TRPC7: variants seen among roughly 807,000 people sequenced by gnomAD.
TRPC7 encodes the protein transient receptor potential cation channel subfamily C member 7.
In TRPC7, 42 loss-of-function variants were observed where a neutral mutation model predicts 90.1. The observed-to-expected ratio is 0.47, with a 90% CI of 0.36 to 0.60. The LOEUF (loss-of-function observed/expected upper bound fraction) is 0.60. Among genes scored for constraint, TRPC7 ranks in the 20% least tolerant of loss-of-function variants. TRPC7 has a pLI of 0.00. For missense variants in TRPC7, 955 were observed against 1,112.3 expected (o/e 0.86, Z 2.01); for synonymous variants, 451 against 436.3 (o/e 1.03, Z -0.42).
chr5:136,323,874 C>A (rs1445734168), intron 2 of TRPC7, among the ~76,000 whole-genome samples: 1 of 152,160 alleles, frequency 6.6e-6, no homozygotes, highest in Non-Finnish European at 1.5e-5. Context: ...TTCTGCTGAA[C>A]TGTGTTAAAT....
intron 7 of TRPC7, among the ~76,000 whole-genome samples, chr5:136,232,804 T>C (rs956342613): frequency 6.6e-6 from 1 of 152,206 alleles, no homozygotes; most frequent in Non-Finnish European, 1.5e-5. Flanking sequence ...AACATCTGAA[T>C]GGTTAAGTGC....
chr5:136,247,851 C>T lies in TRPC7; in HGVS notation c.1580-116G>A. On this transcript the variant is annotated intron_variant, in intron 6 of 11. Transcript: ENST00000513104. This position sits in a 1 kb window ranked among gnomAD's most constrained non-coding sequence, Gnocchi z 4.2. ...ATCATTTGCCATTCTTGTCCTTGTC[C>T]TTAAATTAATCCCAATATCCAGAAG... 1 of 1,325,360 alleles carries T rather than the reference C, an allele frequency of 7.5e-7. No homozygotes were observed. Among genetic ancestry groups the T allele is most frequent in the Non-Finnish European group, 1.0e-6 (1 of 975,414 alleles). 82.1% of individuals were successfully genotyped at this position (1,325,360 alleles called of 1,614,324 possible).
intron 2 of TRPC7, among the ~76,000 whole-genome samples, chr5:136,342,269 C>T (rs1759868859): frequency 6.6e-6 from 1 of 152,230 alleles, no homozygotes; most frequent in African/African-American, 2.4e-5. Flanking sequence ...TCACATGCCT[C>T]CCTCTGTTCA....
chr5:136,327,545 C>A (rs1255014253), intron 2 of TRPC7, among the ~76,000 whole-genome samples: 1 of 152,084 alleles, frequency 6.6e-6, no homozygotes, highest in South Asian at 2.1e-4. Context: ...ACTTCCATAG[C>A]ATGAAATAGG....
At chr5:136,295,361 GC>G (rs1758131246) in intron 3 of TRPC7, among the ~76,000 whole-genome samples, 2 of 152,124 alleles carry the variant, frequency 1.3e-5, no homozygotes, top group African/African-American at 4.8e-5. Context: ...ATGTATAAGG[GC>G]GGCTACCTGT....
At chr5:136,354,618 C>T (rs1190302706) in intron 2 of TRPC7, among the ~76,000 whole-genome samples, 1 of 152,164 alleles carries the variant, frequency 6.6e-6, no homozygotes, top group African/African-American at 2.4e-5. Context: ...ATCTTATTTA[C>T]CAGACAAGTT....
chr5:136,288,662 A>G (rs1757818585), intron 3 of TRPC7, among the ~76,000 whole-genome samples: 2 of 152,352 alleles, frequency 1.3e-5, no homozygotes, highest in East Asian at 3.9e-4. Flanking sequence ...TACTCCACAC[A>G]GGGCCGTTTG....
intron 8 of TRPC7, among the ~76,000 whole-genome samples, chr5:136,229,053 A>T (rs1224383881): frequency 6.6e-6 from 1 of 152,246 alleles, no homozygotes; most frequent in Non-Finnish European, 1.5e-5. Flanking sequence ...AGTGGTGCAG[A>T]GACCTGCAGC....
intron 8 of TRPC7, 86 bp downstream of exon 8, chr5:136,231,268 G>T: frequency 1.7e-6 from 2 of 1,181,844 alleles, no homozygotes; most frequent in Non-Finnish European, 1.2e-6. Context: ...CAACACATGG[G>T]CTTCTAACAT....
Position 136,247,853 on chromosome 5 carries a change from T to A in TRPC7, c.1580-118A>T. The A allele has an allele frequency of 7.7e-7, 1 of 1,302,498 alleles. No homozygotes were observed. Among genetic ancestry groups the A allele is most frequent in the Non-Finnish European group, 1.0e-6 (1 of 955,842 alleles). The allele number at this position is 1,302,498 out of a possible 1,614,324, so 80.7% of individuals were successfully genotyped here. On this transcript the variant is annotated intron_variant, in intron 6 of 11. Transcript: ENST00000513104. The surrounding 1 kb of genome is among the most constrained non-coding windows in gnomAD (Gnocchi z 4.2). Reference sequence around the variant, plus strand: ...CATTTGCCATTCTTGTCCTTGTCCTTAAATTAATCCCAATATCCAGAAGTT... The same window carrying A: ...CATTTGCCATTCTTGTCCTTGTCCTAAAATTAATCCCAATATCCAGAAGTT...
intron 5 of TRPC7, among the ~76,000 whole-genome samples, chr5:136,257,806 A>G (rs192875897): frequency 2.6e-5 from 4 of 152,334 alleles, no homozygotes; most frequent in Admixed American, 2.0e-4. Flanking sequence ...AAATTTTTTA[A>G]TGGATAGAAA....
chr5:136,238,098 C>G (rs1470927813), intron 7 of TRPC7, among the ~76,000 whole-genome samples: 1 of 152,188 alleles, frequency 6.6e-6, no homozygotes, highest in Non-Finnish European at 1.5e-5. Flanking sequence ...CTGTACCTGG[C>G]TGCTCCTCCT....
chr5:136,245,345 A>G (rs1357576095), intron 7 of TRPC7, among the ~76,000 whole-genome samples: 3 of 152,216 alleles, frequency 2.0e-5, no homozygotes, highest in African/African-American at 7.2e-5. Flanking sequence ...GTTCAGCAGC[A>G]CCAGAGTCCC....
At chr5:136,267,258 G>A (rs1474962168) in intron 4 of TRPC7, among the ~76,000 whole-genome samples, 1 of 152,102 alleles carries the variant, frequency 6.6e-6, no homozygotes, top group Non-Finnish European at 1.5e-5. Context: ...GGATCTTTGG[G>A]ATCGAATTGA....
At chr5:136,346,433 C>T (rs1163817641) in intron 2 of TRPC7, among the ~76,000 whole-genome samples, 1 of 152,170 alleles carries the variant, frequency 6.6e-6, no homozygotes, top group Non-Finnish European at 1.5e-5. Flanking sequence ...CAAGTTTCCT[C>T]TCTCGGCTGC....
At chr5:136,302,005 C>T (rs1362643556) in intron 3 of TRPC7, among the ~76,000 whole-genome samples, 1 of 152,228 alleles carries the variant, frequency 6.6e-6, no homozygotes, top group Non-Finnish European at 1.5e-5. Flanking sequence ...TTTTACTCTT[C>T]TCCAACCTCC....
At chr5:136,287,164 G>A (rs4976483) in intron 3 of TRPC7, among the ~76,000 whole-genome samples, 3,144 of 152,162 alleles carry the variant, frequency 0.021, 57 homozygotes, top group Middle Eastern at 0.034. Context: ...AGCCTGTCTT[G>A]TTTTCTTGCC....
chr5:136,355,000 C>T lies in TRPC7; in HGVS notation c.780+1608G>A, dbSNP rs1760317098. 2.6e-5 allele frequency among the ~76,000 whole-genome samples: 4 copies of T among 152,236 alleles called. No homozygotes were observed. In the South Asian group the frequency reaches 8.3e-4, roughly 31 times the overall value. On this transcript the variant is annotated intron_variant, in intron 2 of 11. Coordinates refer to ENST00000513104, the MANE Select transcript of TRPC7 (RefSeq NM_020389.3). The stretch of plus-strand genomic sequence containing the variant: ...GAGCCTTCCTTGGTATGAGCTGGTA[C>T]CCATTCTTGGCTGTATAATTGTATG...
chr5:136,352,016 C>T (rs759695690), intron 2 of TRPC7, among the ~76,000 whole-genome samples: 3 of 152,180 alleles, frequency 2.0e-5, no homozygotes, highest in East Asian at 1.9e-4. Flanking sequence ...GAAACACCAT[C>T]GACAGCCTCC....
Sources: allele counts gnomAD v4.1 joint callset (sites outside exome capture counted in the v4.1 genomes callset), GRCh38; gene constraint gnomAD v4.1.1; non-coding constraint Gnocchi (gnomAD v3.1); transcripts MANE v1.5; gene names NCBI Gene and HGNC (gene_info 2026-07-23, HGNC 2026-07-21).